Variants in TEX10 observed in about 807,000 individuals in gnomAD.
TEX10 encodes the protein testis-expressed protein 10.
Under a neutral mutation model 104.4 loss-of-function variants are expected in TEX10, and 24 were observed. That is an observed-to-expected ratio of 0.23 (90% CI 0.17 to 0.32). The LOEUF (loss-of-function observed/expected upper bound fraction) is 0.32, where lower values mean the gene tolerates loss of function less well. Among genes scored for constraint, TEX10 ranks in the 10% least tolerant of loss-of-function variants. The probability of loss-of-function intolerance (pLI) is 1.00; values close to 1 mark genes in which losing one functional copy is unlikely to be tolerated. For synonymous variants in TEX10, 396 were observed against 393.4 expected, an observed-to-expected ratio of 1.01 and a Z score of -0.08; for missense variants, 921 against 1,083.9, an observed-to-expected ratio of 0.85 and a Z score of 2.11.
At position 100,328,234 on chromosome 9, in the gene TEX10, C is replaced by T. The variant is rs966019911; in HGVS notation, c.1626-272G>A. 1.1e-4 allele frequency among the ~76,000 whole-genome samples: 17 copies of T among 152,246 alleles called. No homozygotes were observed. In the East Asian group the frequency reaches 1.2e-3, roughly 10 times the overall value. ...GAGACACTTAACTATTTATCCTAAT[C>T]GGTGTTATTATACTATATTAACAAA... On this transcript the variant is annotated intron_variant, in intron 7 of 14. Transcript: ENST00000374902.
At chr9:100,317,649 TA>T (rs1224776192) in intron 11 of TEX10, among the ~76,000 whole-genome samples, 1 of 151,944 alleles carries the variant, frequency 6.6e-6, no homozygotes, top group Non-Finnish European at 1.5e-5. Flanking sequence ...TTCATTACAC[TA>T]AAAAATTTCT....
intron 2 of TEX10, among the ~76,000 whole-genome samples, 199 bp from the exon 3 acceptor site, chr9:100,347,605 T>C (rs1835332384): frequency 6.6e-6 from 1 of 152,198 alleles, no homozygotes. Context: ...CATTGCATAA[T>C]TTTCAGTTGG....
chr9:100,308,801 C>T, intron 12 of TEX10, 120 bp from the exon 13 acceptor site: 1 of 848,438 alleles, frequency 1.2e-6, no homozygotes, highest in Non-Finnish European at 1.7e-6. Context: ...CCAATATATA[C>T]CTAACATATG....
At chr9:100,351,400 C>CGGGGGGGGG (rs1564224758) in intron 1 of TEX10, among the ~76,000 whole-genome samples, 4 of 77,810 alleles carry the variant, frequency 5.1e-5, no homozygotes, top group Non-Finnish European at 7.9e-5. Context: ...AGCTGGGGGT[C>CGGGGGGGGG]GGTGGGTGGG....
intron 1 of TEX10, 31 bp from the exon 2 acceptor site, chr9:100,349,403 G>A: frequency 7.0e-7 from 1 of 1,425,468 alleles, no homozygotes; most frequent in Non-Finnish European, 9.3e-7. Flanking sequence ...TAAAAGCAAT[G>A]GATAGAGACA....
At chr9:100,332,627 A>G (rs1265269016) in intron 5 of TEX10, among the ~76,000 whole-genome samples, 1 of 152,034 alleles carries the variant, frequency 6.6e-6, no homozygotes, top group East Asian at 1.9e-4. Context: ...CGAGACCATC[A>G]TGGCTAACAC....
At chr9:100,329,545 G>C (rs535411990) in intron 6 of TEX10, among the ~76,000 whole-genome samples, 1 of 152,192 alleles carries the variant, frequency 6.6e-6, no homozygotes, top group East Asian at 1.9e-4. Flanking sequence ...AACCAAATAG[G>C]AAAACTTTGT....
chr9:100,317,371 A>C (rs1169165550), intron 11 of TEX10, among the ~76,000 whole-genome samples: 1 of 152,188 alleles, frequency 6.6e-6, no homozygotes, highest in Non-Finnish European at 1.5e-5. Context: ...GCTTTGACAA[A>C]GTCAACAAGA....
intron 5 of TEX10, among the ~76,000 whole-genome samples, 169 bp downstream of exon 5, chr9:100,340,088 G>C (rs1281656957): frequency 6.6e-6 from 1 of 152,094 alleles, no homozygotes; most frequent in Non-Finnish European, 1.5e-5. Flanking sequence ...TAATCCCAAG[G>C]TTCAAACTCA....
At chr9:100,334,910 C>A (rs1371396799) in intron 5 of TEX10, among the ~76,000 whole-genome samples, 1 of 152,162 alleles carries the variant, frequency 6.6e-6, no homozygotes, top group African/African-American at 2.4e-5. Context: ...GGTGATCTGC[C>A]CACCTTTGCC....
chr9:100,302,284 A>T lies in TEX10; in HGVS notation c.2697T>A (p.Val899=), dbSNP rs767939276. 1.3e-4 allele frequency: 215 copies of T among 1,613,258 alleles called. No individual in the cohort carries two copies. Among genetic ancestry groups the T allele is most frequent in the Non-Finnish European group, 1.7e-4 (204 of 1,179,570 alleles). Residue 899 remains valine, a synonymous_variant, in exon 15 of 15, where the codon GTT becomes GTA. Transcript: ENST00000374902. ...GTAAGTCTGTGAGCCACTGTTCCTG[A>T]ACACTTCCACTCTTCAATGTCTGGA... The part of the protein sequence containing the change: ...KNITTLKSGS[V]QEQWLTDLHY...
chr9:100,339,274 A>AAAAATATATAT (rs1835101688), intron 5 of TEX10, among the ~76,000 whole-genome samples: 1 of 91,702 alleles, frequency 1.1e-5, no homozygotes, highest in African/African-American at 4.6e-5. Flanking sequence ...AAAAAAAAAA[A>AAAAATATATAT]GTATATATAT....
chr9:100,335,173 G>C (rs1834975322), intron 5 of TEX10, among the ~76,000 whole-genome samples: 1 of 152,172 alleles, frequency 6.6e-6, no homozygotes, highest in East Asian at 1.9e-4. Flanking sequence ...TCATCACACA[G>C]AATATTAAAA....
rs1456540164 is a variant in TEX10, at chr9:100,346,997, T to A, written c.590A>T (p.Lys197Ile). 1 of 1,614,192 alleles carries A rather than the reference T, an allele frequency of 6.2e-7. No homozygotes were observed. The highest frequency in any genetic ancestry group is 1.7e-5 in the Admixed American group (1 of 60,016). ...VELISHQQLS[K>I]GLINRDRSQS... ...GGATCTGTCTCTATTTATCAGTCCT[T>A]TGGACAGCTGCTGATGAGAAATAAG... The change falls in exon 3 of 15, where the codon AAA becomes ATA. Residue 197 changes from lysine (K) to isoleucine (I), a missense_variant. By Grantham distance (102) the Lys-to-Ile change is moderately radical. This residue lies in a region of TEX10 where 753 missense variants were observed against 868.4 expected (regional missense o/e 0.87). Transcript: ENST00000374902.
chr9:100,349,449 T>C (rs1835385210), intron 1 of TEX10, 77 bp from the exon 2 acceptor site: 2 of 848,836 alleles, frequency 2.4e-6, no homozygotes, highest in Middle Eastern at 3.8e-4. Flanking sequence ...TTCCAACACA[T>C]ACTACTGTAA....
chr9:100,311,395 G>A (rs1834278162), intron 11 of TEX10, among the ~76,000 whole-genome samples: 1 of 152,130 alleles, frequency 6.6e-6, no homozygotes, highest in South Asian at 2.1e-4. Context: ...GTGAGACACT[G>A]TCTCCAAAAA....
intron 3 of TEX10, among the ~76,000 whole-genome samples, 185 bp downstream of exon 3, chr9:100,346,509 A>G (rs1268211820): frequency 6.6e-6 from 1 of 152,234 alleles, no homozygotes; most frequent in Non-Finnish European, 1.5e-5. Context: ...TATTTCTCAA[A>G]GGCTTTGCTA....
At chr9:100,305,440 A>G (rs1317524154) in intron 13 of TEX10, 1 of 152,234 alleles carries the variant, frequency 6.6e-6, no homozygotes, top group Admixed American at 6.5e-5. Flanking sequence ...TAGCTAATGC[A>G]AAGGCACGGA....
At chr9:100,326,618 C>A in intron 8 of TEX10, 139 bp from the exon 9 acceptor site, 1 of 791,290 alleles carries the variant, frequency 1.3e-6, no homozygotes. Flanking sequence ...TACATAAAAG[C>A]ATAATTATAT....
Sources: gnomAD v4.1 joint callset for allele counts (sites outside exome capture counted in the v4.1 genomes callset) on GRCh38, gnomAD v4.1.1 for gene constraint, gnomAD v4.1.1 regional missense constraint, MANE v1.5 for transcripts, NCBI Gene and HGNC (gene_info 2026-07-23, HGNC 2026-07-21) for gene names.